The following MACROD2 variants were observed in gnomAD, a reference collection of about 807,000 sequenced individuals.
MACROD2 encodes ADP-ribose glycohydrolase MACROD2.
MACROD2 carries 36 observed loss-of-function variants against 70.4 expected under a neutral mutation model. The observed-to-expected ratio is 0.51, with a 90% CI of 0.39 to 0.68. The LOEUF (loss-of-function observed/expected upper bound fraction) is 0.68. Ranked by LOEUF, MACROD2 falls within the 30% of genes least tolerant of loss-of-function variation. The probability of loss-of-function intolerance (pLI) is 0.00; values close to 1 mark genes in which losing one functional copy is unlikely to be tolerated. For missense variants in MACROD2, 496 were observed against 538.4 expected (o/e 0.92, Z 0.78); for synonymous variants, 172 against 178.8 (o/e 0.96, Z 0.30).
At chr20:15,317,696 T>C (rs1353371652) in intron 6 of MACROD2, among the ~76,000 whole-genome samples, 1 of 151,762 alleles carries the variant, frequency 6.6e-6, no homozygotes, top group Non-Finnish European at 1.5e-5. Flanking sequence ...GTGTTTCAGT[T>C]TGAGTCTAAA....
At chr20:15,976,064 T>C (rs889150108) in intron 13 of MACROD2, among the ~76,000 whole-genome samples, 6 of 152,234 alleles carry the variant, frequency 3.9e-5, no homozygotes, top group Admixed American at 3.9e-4. Context: ...AAACAGTCTT[T>C]GTTCTTAAGA....
Position 15,113,167 on chromosome 20 carries a change from A to G in MACROD2, c.419-116773A>G, listed in dbSNP as rs977688143. ...AATTGATGAATCATATAATAACTCT[A>G]TTTTTAACTTTTTGAGGAAATGCAA... On this transcript the variant is annotated intron_variant, in intron 5 of 17. Transcript: ENST00000684519. 2.6e-5 allele frequency among the ~76,000 whole-genome samples: 4 copies of G among 152,022 alleles called. No individual in the cohort carries two copies. The East Asian group carries it at 7.7e-4, about 29-fold the overall frequency.
intron 3 of MACROD2, among the ~76,000 whole-genome samples, chr20:14,211,649 G>A (rs2081571867): frequency 6.6e-6 from 1 of 152,152 alleles, no homozygotes; most frequent in Admixed American, 6.5e-5. Flanking sequence ...TCTGGCCGAT[G>A]GAAGTCACTG....
intron 2 of MACROD2, among the ~76,000 whole-genome samples, chr20:14,067,226 C>T (rs1350239018): frequency 3.4e-5 from 5 of 147,550 alleles, no homozygotes; most frequent in African/African-American, 1.0e-4. Context: ...CTGGTTCAAG[C>T]GATTCTCCTG....
At position 15,151,294 on chromosome 20, in the gene MACROD2, C is replaced by A. The variant is rs1022653819; in HGVS notation, c.419-78646C>A. ...ATGGCCAGATTTCCAGCACTTGTAG[C>A]AAGCTCCTGGGGGAGGAGGTTCTGG... On this transcript the variant is annotated intron_variant, in intron 5 of 17. Coordinates refer to ENST00000684519, the MANE Select transcript of MACROD2 (RefSeq NM_001351661.2). Among the ~76,000 whole-genome samples the A allele has an allele frequency of 4.2e-4, 64 of 152,194 alleles. 1 individual carries two copies. The highest frequency in any genetic ancestry group is 1.4e-3 in the African/African-American group (60 of 41,472).
intron 5 of MACROD2, among the ~76,000 whole-genome samples, chr20:14,959,465 T>C (rs554965387): frequency 6.6e-6 from 1 of 152,192 alleles, no homozygotes; most frequent in East Asian, 1.9e-4. Flanking sequence ...TGCCAGCTCC[T>C]CTTTCCCATC....
chr20:14,524,454 T>G (rs188704707), intron 4 of MACROD2, among the ~76,000 whole-genome samples: 48 of 152,316 alleles, frequency 3.2e-4, no homozygotes, highest in Middle Eastern at 6.8e-3. Flanking sequence ...AGCAGCTGAC[T>G]GGACAAGTGA....
intron 6 of MACROD2, among the ~76,000 whole-genome samples, chr20:15,378,154 AAG>A (rs10534893): frequency 0.47 from 70,076 of 149,292 alleles, 19,233 homozygotes; most frequent in African/African-American, 0.78. Flanking sequence ...AAAATAAAAG[AAG>A]AGAGAGAGAG....
intron 5 of MACROD2, among the ~76,000 whole-genome samples, chr20:14,874,527 G>A (rs1411695009): frequency 6.6e-6 from 1 of 151,434 alleles, no homozygotes; most frequent in Non-Finnish European, 1.5e-5. Flanking sequence ...ATTAGAATAA[G>A]CAAGCATTGA....
At chr20:15,595,932 T>C (rs1336016779) in intron 8 of MACROD2, among the ~76,000 whole-genome samples, 1 of 152,202 alleles carries the variant, frequency 6.6e-6, no homozygotes, top group South Asian at 2.1e-4. Flanking sequence ...ATTTAGCATA[T>C]AGTAAAAATT....
chr20:14,277,445 GCAAA>G (rs1266618562), intron 3 of MACROD2, among the ~76,000 whole-genome samples: 9 of 152,066 alleles, frequency 5.9e-5, no homozygotes, highest in African/African-American at 1.4e-4. Flanking sequence ...CCGTCTCAAA[GCAAA>G]CAAACAAAAA....
Position 15,962,464 on chromosome 20 carries a change from T to C in MACROD2, c.908-5089T>C, listed in dbSNP as rs73597735. The stretch of plus-strand genomic sequence containing the variant: ...TGACTGCATCTCTCATTTGCTAGTA[T>C]TTTCAATAACAACTTGCAGAAGAAT... On this transcript the variant is annotated intron_variant, in intron 12 of 17. Transcript: ENST00000684519. 5.6e-3 allele frequency among the ~76,000 whole-genome samples: 860 copies of C among 152,334 alleles called. 2 individuals carry two copies. The highest frequency in any genetic ancestry group is 0.023 in the South Asian group (112 of 4,832).
intron 8 of MACROD2, among the ~76,000 whole-genome samples, chr20:15,609,755 A>C (rs1452460803): frequency 1.3e-5 from 2 of 152,214 alleles, no homozygotes; most frequent in African/African-American, 4.8e-5. Flanking sequence ...CTGATTTCTC[A>C]ATGCTTTATT....
At chr20:15,630,113 G>A (rs1362800722) in intron 8 of MACROD2, among the ~76,000 whole-genome samples, 1 of 152,158 alleles carries the variant, frequency 6.6e-6, no homozygotes, top group East Asian at 1.9e-4. Context: ...AGAGGAGATA[G>A]TAGTATCTCC....
intron 8 of MACROD2, among the ~76,000 whole-genome samples, chr20:15,587,557 G>A (rs1221150536): frequency 5.9e-5 from 9 of 152,140 alleles, no homozygotes. Context: ...CCGCCTATGA[G>A]CCTGTAAAAT....
intron 13 of MACROD2, among the ~76,000 whole-genome samples, chr20:15,979,155 A>AG (rs1230791894): frequency 6.6e-6 from 1 of 152,224 alleles, no homozygotes; most frequent in Non-Finnish European, 1.5e-5. Flanking sequence ...TATATAAGTC[A>AG]GCTTTGCTGC....
chr20:15,011,928 G>A (rs2075085716), intron 5 of MACROD2, among the ~76,000 whole-genome samples: 2 of 152,126 alleles, frequency 1.3e-5, no homozygotes, highest in Non-Finnish European at 2.9e-5. Context: ...GTTATGACCA[G>A]AGGACAACAG....
rs886144341 is a variant in MACROD2, at chr20:14,292,872, T to G, written c.272-200607T>G. Among the ~76,000 whole-genome samples the G allele has an allele frequency of 7.2e-5, 11 of 151,860 alleles. 1 individual carries two copies. Among genetic ancestry groups the G allele is most frequent in the African/African-American group, 2.2e-4 (9 of 41,212 alleles). On this transcript the variant is annotated intron_variant, in intron 3 of 17. Transcript: ENST00000684519. ...CTGGTCTTGAACTCCTGACCTCAGG[T>G]GATCCGCCTGCCTTGGCCTCCCAAA...
At chr20:14,642,183 G>T (rs1443616666) in intron 4 of MACROD2, among the ~76,000 whole-genome samples, 1 of 152,166 alleles carries the variant, frequency 6.6e-6, no homozygotes. Flanking sequence ...ACCAACCTCT[G>T]CTAGCTTCCA....
Sources: gnomAD v4.1 joint callset for allele counts (sites outside exome capture counted in the v4.1 genomes callset) on GRCh38, gnomAD v4.1.1 for gene constraint, MANE v1.5 for transcripts, NCBI Gene and HGNC (gene_info 2026-07-23, HGNC 2026-07-21) for gene names.